Variants in IL1RL1 observed in about 807,000 individuals in gnomAD.
IL1RL1 encodes interleukin-1 receptor-like 1.
In IL1RL1, 32 loss-of-function variants were observed where a neutral mutation model predicts 50.9. The observed-to-expected ratio is 0.63, with a 90% CI of 0.47 to 0.84. IL1RL1 has a LOEUF of 0.84. IL1RL1 is among the 40% of genes least tolerant of loss of function. The pLI, the probability that IL1RL1 is intolerant of heterozygous loss-of-function variation, is 0.00. For synonymous variants in IL1RL1, 275 were observed against 236.0 expected (o/e 1.17, Z -1.51); for missense variants, 773 against 662.9 (o/e 1.17, Z -1.82).
intron 1 of IL1RL1, among the ~76,000 whole-genome samples, chr2:102,330,168 T>A (rs1677132341): frequency 6.6e-6 from 1 of 152,174 alleles, no homozygotes. Flanking sequence ...CATAAAAAGA[T>A]GATGAGTTCA....
chr2:102,329,944 A>T (rs1441944026), intron 1 of IL1RL1, among the ~76,000 whole-genome samples: 1 of 152,202 alleles, frequency 6.6e-6, no homozygotes, highest in Non-Finnish European at 1.5e-5. Context: ...TTCCTCAGGG[A>T]TCTAGAACTA....
rs1300427890 is a variant in IL1RL1, at chr2:102,343,314, C to A, written c.869C>A (p.Ala290Asp). The change falls in exon 8 of 11, where the codon GCT becomes GAT. Residue 290 changes from alanine (A) to aspartate (D), a missense_variant. By Grantham distance (126) the Ala-to-Asp change is moderately radical. Coordinates refer to ENST00000233954, the MANE Select transcript of IL1RL1 (RefSeq NM_016232.5). ...TGTCTAGACATGGTTTTAAGAATAGCTGACGTGAAGGAAGAGGATTTATTG... is the reference window on the plus strand; with the variant it reads ...TGTCTAGACATGGTTTTAAGAATAGATGACGTGAAGGAAGAGGATTTATTG... ...LACLDMVLRI[A>D]DVKEEDLLLQ... 1.2e-5 allele frequency: 20 copies of A among 1,614,188 alleles called. No homozygotes were observed. Among genetic ancestry groups the A allele is most frequent in the Non-Finnish European group, 1.7e-5 (20 of 1,180,040 alleles).
intron 1 of IL1RL1, among the ~76,000 whole-genome samples, chr2:102,327,821 TG>T (rs1677057026): frequency 6.6e-6 from 1 of 152,190 alleles, no homozygotes; most frequent in Non-Finnish European, 1.5e-5. Flanking sequence ...CTTGAATCTC[TG>T]AATAGACCAA....
chr2:102,324,739 G>A (rs1446748712), intron 1 of IL1RL1, among the ~76,000 whole-genome samples: 2 of 152,226 alleles, frequency 1.3e-5, no homozygotes, highest in Admixed American at 1.3e-4. Flanking sequence ...TACACCCGTG[G>A]AGCCTCGCTC....
intron 1 of IL1RL1, chr2:102,313,236 G>GT (rs1488867828): frequency 1.3e-5 from 2 of 152,154 alleles, no homozygotes; most frequent in African/African-American, 4.8e-5. Flanking sequence ...TTAAATGGGT[G>GT]TAAGTGTTTA....
rs1025357058 is a variant in IL1RL1 at position 102,343,820 on chromosome 2, C to T, written c.970+405C>T. ...TGTTGTAAGCATGGTCCGTTCTATA[C>T]CTTTTTCTGGTCATAATGAACACTC... On this transcript the variant is annotated intron_variant, in intron 8 of 10. Transcript: ENST00000233954. The T allele has an allele frequency of 2.3e-5, 24 of 1,040,940 alleles. No individual in the cohort carries two copies. In the East Asian group the frequency reaches 1.2e-3, roughly 54 times the overall value. The allele number at this position is 1,040,940 out of a possible 1,614,324, so 64.5% of individuals were successfully genotyped here. A position where few individuals can be genotyped will look rare whatever the true frequency, so the allele number is the denominator to read the frequency against.
chr2:102,326,755 G>A (rs1465827249), intron 1 of IL1RL1, among the ~76,000 whole-genome samples: 1 of 152,124 alleles, frequency 6.6e-6, no homozygotes, highest in African/African-American at 2.4e-5. Flanking sequence ...AAGAGACACA[G>A]AAGGCCATTA....
intron 5 of IL1RL1, chr2:102,341,343 C>T: frequency 1.6e-6 from 2 of 1,227,132 alleles, no homozygotes; most frequent in Non-Finnish European, 2.1e-6. Flanking sequence ...CTTTCAACAT[C>T]ATCAATGGCC....
chr2:102,350,227 C>T (rs1677890381), intron 10 of IL1RL1, among the ~76,000 whole-genome samples: 1 of 152,248 alleles, frequency 6.6e-6, no homozygotes, highest in African/African-American at 2.4e-5. Context: ...TTTCATATTA[C>T]AAATGTACTC....
chr2:102,346,205 T>C (rs1233415113), intron 8 of IL1RL1: 1 of 206,896 alleles, frequency 4.8e-6, no homozygotes, highest in African/African-American at 2.4e-5. Context: ...TATTAACTAT[T>C]ACTAAATACA....
At chr2:102,340,611 A>C in intron 4 of IL1RL1, 55 bp from the exon 5 acceptor site, 1 of 1,540,122 alleles carries the variant, frequency 6.5e-7, no homozygotes, top group Non-Finnish European at 8.8e-7. Flanking sequence ...CTGTCAACAG[A>C]TAAATAAATA....
intron 1 of IL1RL1, among the ~76,000 whole-genome samples, chr2:102,333,341 C>T (rs903151455): frequency 4.6e-5 from 7 of 152,076 alleles, no homozygotes; most frequent in African/African-American, 1.7e-4. Flanking sequence ...AAGATGAAAC[C>T]ATAAGTTGTC....
At chr2:102,337,377 A>T (rs1677364139) in intron 1 of IL1RL1, 1 of 152,332 alleles carries the variant, frequency 6.6e-6, no homozygotes, top group Non-Finnish European at 1.5e-5. Context: ...TAATAAGAAA[A>T]GTCTTCATAA....
chr2:102,314,684 T>C (rs1676622473), intron 1 of IL1RL1, among the ~76,000 whole-genome samples: 1 of 152,218 alleles, frequency 6.6e-6, no homozygotes, highest in South Asian at 2.1e-4. Context: ...CTATCTGGTC[T>C]GGTGGTACAG....
intron 1 of IL1RL1, among the ~76,000 whole-genome samples, chr2:102,326,465 A>T (rs1166760039): frequency 2.0e-5 from 3 of 151,866 alleles, no homozygotes; most frequent in Non-Finnish European, 4.4e-5. Context: ...AATAAATAGC[A>T]AACATCATAA....
chr2:102,340,052 T>A, intron 3 of IL1RL1, 46 bp from the exon 4 acceptor site: 1 of 1,196,114 alleles, frequency 8.4e-7, no homozygotes, highest in Non-Finnish European at 1.1e-6. Context: ...TTAAGTTATT[T>A]CACAATGCTA....
chr2:102,326,059 C>G lies in IL1RL1; in HGVS notation c.-149-12057C>G, dbSNP rs180976951. Among the ~76,000 whole-genome samples the G allele has an allele frequency of 2.9e-3, 442 of 152,178 alleles. 3 individuals are homozygous for G. In the East Asian group the frequency reaches 0.032, roughly 11 times the overall value. The stretch of plus-strand genomic sequence containing the variant: ...CCAAGACACATAATTGTCAGATTCA[C>G]CAAAGTTGAAATGAAGGCAAAAATG... On this transcript the variant is annotated intron_variant, in intron 1 of 10. Coordinates refer to ENST00000233954, the MANE Select transcript of IL1RL1 (RefSeq NM_016232.5).
intron 5 of IL1RL1, 24 bp downstream of exon 5, chr2:102,340,852 TA>T: frequency 5.2e-6 from 8 of 1,530,730 alleles, no homozygotes; most frequent in Non-Finnish European, 7.0e-6. Flanking sequence ...ATTAATGAGA[TA>T]GAATACTACG....
intron 1 of IL1RL1, among the ~76,000 whole-genome samples, chr2:102,315,086 G>C (rs571693343): frequency 1.8e-4 from 27 of 152,286 alleles, no homozygotes; most frequent in Middle Eastern, 3.4e-3. Context: ...CACATCCTAT[G>C]CCTGTCTCTC....
Sources: allele counts gnomAD v4.1 joint callset (sites outside exome capture counted in the v4.1 genomes callset), GRCh38; gene constraint gnomAD v4.1.1; transcripts MANE v1.5; gene names NCBI Gene and HGNC (gene_info 2026-07-23, HGNC 2026-07-21).